The following SETBP1 variants were observed in gnomAD, a reference collection of about 807,000 sequenced individuals.
SETBP1 encodes the protein SET binding protein 1.
A neutral mutation model predicts 101.0 loss-of-function variants in SETBP1; 9 were observed. The ratio of observed to expected loss-of-function variants is 0.09; its 90% CI spans 0.05 to 0.16. The LOEUF is 0.16. SETBP1 is among the 10% of genes least tolerant of loss of function. The probability of loss-of-function intolerance (pLI) is 1.00; values close to 1 mark genes in which losing one functional copy is unlikely to be tolerated. For synonymous variants in SETBP1, 818 were observed against 788.5 expected, an observed-to-expected ratio of 1.04 and a Z score of -0.63; for missense variants, 1,858 against 2,033.8, an observed-to-expected ratio of 0.91 and a Z score of 1.66.
chr18:44,774,376 GGT>G (rs145493324), intron 2 of SETBP1, among the ~76,000 whole-genome samples: 50 of 147,572 alleles, frequency 3.4e-4, no homozygotes, highest in African/African-American at 1.0e-3. Context: ...TGTGTGTGTG[GGT>G]GTGTGTGTGT....
At chr18:45,049,427 G>A (rs573495506) in intron 5 of SETBP1, among the ~76,000 whole-genome samples, 6 of 152,134 alleles carry the variant, frequency 3.9e-5, no homozygotes, top group South Asian at 2.1e-4. Context: ...GTCTACACTC[G>A]TGTTTTGGTT....
chr18:44,687,943 A>G (rs957470773), intron 1 of SETBP1, among the ~76,000 whole-genome samples: 2 of 152,154 alleles, frequency 1.3e-5, no homozygotes, highest in African/African-American at 4.8e-5. Context: ...GTTTGTGTGC[A>G]TTCTGAGATC....
chr18:44,795,013 C>G (rs1391206973), intron 2 of SETBP1, among the ~76,000 whole-genome samples: 2 of 152,050 alleles, frequency 1.3e-5, no homozygotes, highest in African/African-American at 4.8e-5. Context: ...CCTCTAGTTT[C>G]AAGAAAAATA....
intron 2 of SETBP1, among the ~76,000 whole-genome samples, chr18:44,749,292 G>A (rs2070330783): frequency 6.6e-6 from 1 of 152,222 alleles, no homozygotes; most frequent in South Asian, 2.1e-4. Context: ...GCGCAGAGAT[G>A]CAAGTGATAC....
intron 4 of SETBP1, among the ~76,000 whole-genome samples, chr18:45,019,949 G>T (rs2073023068): frequency 6.6e-6 from 1 of 151,996 alleles, no homozygotes; most frequent in Non-Finnish European, 1.5e-5. Flanking sequence ...AGAGACTTGG[G>T]TTCAAATTCC....
chr18:44,838,641 G>A (rs868383768), intron 2 of SETBP1, among the ~76,000 whole-genome samples: 7 of 152,276 alleles, frequency 4.6e-5, no homozygotes, highest in African/African-American at 9.6e-5. Context: ...GCTTATTGCC[G>A]CTAAGAGAAA....
chr18:44,855,031 T>G (rs1032252846), intron 2 of SETBP1, among the ~76,000 whole-genome samples: 2 of 152,218 alleles, frequency 1.3e-5, no homozygotes, highest in Non-Finnish European at 2.9e-5. Flanking sequence ...AAATACCAGA[T>G]GGCTCACTCC....
chr18:44,723,510 A>G lies in SETBP1; in HGVS notation c.486+21678A>G, dbSNP rs146549321. ...AATCAGCGACAGTCGGCGGGGGGAA[A>G]AAAAACAACACCCTTTTTAGTCATC... On this transcript the variant is annotated intron_variant, in intron 2 of 5. Coordinates refer to ENST00000649279, the MANE Select transcript of SETBP1 (RefSeq NM_015559.3). Among the ~76,000 whole-genome samples the G allele has an allele frequency of 8.0e-3, 1,212 of 152,312 alleles. 10 individuals are homozygous for G. The highest frequency in any genetic ancestry group is 0.013 in the Non-Finnish European group (913 of 68,032).
At chr18:45,055,543 GTTTTT>G (rs2073794466) in intron 5 of SETBP1, among the ~76,000 whole-genome samples, 1 of 151,484 alleles carries the variant, frequency 6.6e-6, no homozygotes, top group African/African-American at 2.4e-5. Flanking sequence ...TTGTATACTT[GTTTTT>G]GAAAATCTTG....
chr18:44,806,602 A>G (rs1057348677), intron 2 of SETBP1, among the ~76,000 whole-genome samples: 4 of 94,154 alleles, frequency 4.2e-5, no homozygotes, highest in African/African-American at 1.2e-4. Flanking sequence ...TCCGTAGTAG[A>G]CTTTGGCTCA....
intron 2 of SETBP1, among the ~76,000 whole-genome samples, chr18:44,782,866 C>G (rs2071161512): frequency 6.6e-6 from 1 of 152,158 alleles, no homozygotes; most frequent in African/African-American, 2.4e-5. Context: ...ATAATTATAT[C>G]TTACCACTGG....
intron 3 of SETBP1, among the ~76,000 whole-genome samples, chr18:44,921,509 G>A (rs990907348): frequency 5.9e-5 from 9 of 152,224 alleles, no homozygotes; most frequent in African/African-American, 7.2e-5. Context: ...TCTCCCAAAC[G>A]AAGGTTAGCG....
At chr18:44,977,315 A>G (rs964653439) in intron 4 of SETBP1, among the ~76,000 whole-genome samples, 37 of 152,202 alleles carry the variant, frequency 2.4e-4, no homozygotes, top group African/African-American at 8.9e-4. Context: ...GGAAAAAAGG[A>G]GCAAAGAAGG....
chr18:44,774,823 T>C (rs2070960385), intron 2 of SETBP1, among the ~76,000 whole-genome samples: 1 of 152,138 alleles, frequency 6.6e-6, no homozygotes, highest in South Asian at 2.1e-4. Flanking sequence ...GACAAATGAC[T>C]GTACCCTCTC....
intron 2 of SETBP1, among the ~76,000 whole-genome samples, chr18:44,756,766 A>G (rs1299249232): frequency 6.6e-6 from 1 of 151,964 alleles, no homozygotes; most frequent in Non-Finnish European, 1.5e-5. Context: ...CTGTCCTTAA[A>G]ATTTGCCATT....
At chr18:44,896,147 G>A (rs569968189) in intron 3 of SETBP1, among the ~76,000 whole-genome samples, 1 of 152,264 alleles carries the variant, frequency 6.6e-6, no homozygotes, top group African/African-American at 2.4e-5. Flanking sequence ...CAGGTGGGCT[G>A]AAAGGGGTGG....
intron 5 of SETBP1, among the ~76,000 whole-genome samples, chr18:45,052,891 T>A (rs1294275126): frequency 6.6e-6 from 1 of 152,208 alleles, no homozygotes; most frequent in African/African-American, 2.4e-5. Context: ...TTCCTAAAAA[T>A]CTGAGAACTC....
chr18:44,998,387 C>T (rs1264901909), intron 4 of SETBP1, among the ~76,000 whole-genome samples: 1 of 152,224 alleles, frequency 6.6e-6, no homozygotes, highest in Non-Finnish European at 1.5e-5. Context: ...AGTTACAGAG[C>T]TTTTCTCTTC....
chr18:44,703,659 C>G (rs762401568), intron 2 of SETBP1, among the ~76,000 whole-genome samples: 2 of 152,162 alleles, frequency 1.3e-5, no homozygotes, highest in Non-Finnish European at 2.9e-5. Flanking sequence ...CTTAGTTTAA[C>G]ATTTTGGAAG....
Sources: allele counts gnomAD v4.1 joint callset (sites outside exome capture counted in the v4.1 genomes callset), GRCh38; gene constraint gnomAD v4.1.1; transcripts MANE v1.5; gene names NCBI Gene and HGNC (gene_info 2026-07-23, HGNC 2026-07-21).